Variants in KCNMB2 observed in about 807,000 individuals in gnomAD.
KCNMB2 encodes calcium-activated potassium channel subunit beta-2.
A neutral mutation model predicts 24.5 loss-of-function variants in KCNMB2; 9 were observed. That is an observed-to-expected ratio of 0.37 (90% CI 0.22 to 0.64). The LOEUF (loss-of-function observed/expected upper bound fraction) is 0.64. Ranked by LOEUF, KCNMB2 falls within the 30% of genes least tolerant of loss-of-function variation. The probability of loss-of-function intolerance (pLI) is 0.63; values close to 1 mark genes in which losing one functional copy is unlikely to be tolerated. For synonymous variants in KCNMB2, 109 were observed against 104.4 expected (o/e 1.04, Z -0.27); for missense variants, 226 against 284.3 (o/e 0.79, Z 1.47).
chr3:178,726,482 C>T (rs1225643484), intron 1 of KCNMB2, among the ~76,000 whole-genome samples: 4 of 151,842 alleles, frequency 2.6e-5, no homozygotes, highest in South Asian at 4.1e-4. Flanking sequence ...CAAATTCTTT[C>T]AGTTTTCTTT....
rs189207350 is a variant in KCNMB2, at chr3:178,579,963, G to T, written c.-68+43252G>T. On this transcript the variant is annotated intron_variant, in intron 1 of 4. Transcript: ENST00000452583. ...GGTAAAAGAGAATTTGGTACCATTC[G>T]TTCTGAAACTATTCCAAACAATAGA... Among the ~76,000 whole-genome samples, 512 of 152,084 alleles carry T rather than the reference G, an allele frequency of 3.4e-3. 1 individual carries two copies. Among genetic ancestry groups the T allele is most frequent in the African/African-American group, 0.012 (480 of 41,516 alleles).
intron 1 of KCNMB2, among the ~76,000 whole-genome samples, chr3:178,616,781 T>A (rs1417637065): frequency 6.6e-6 from 1 of 152,176 alleles, no homozygotes; most frequent in Non-Finnish European, 1.5e-5. Flanking sequence ...TATAATCCCA[T>A]TTCGTAGATG....
At chr3:178,710,835 C>T (rs889403087) in intron 1 of KCNMB2, among the ~76,000 whole-genome samples, 7 of 152,130 alleles carry the variant, frequency 4.6e-5, no homozygotes, top group Non-Finnish European at 7.4e-5. Flanking sequence ...ACTTCAGCCT[C>T]GTGATCTGAG....
chr3:178,688,058 G>T (rs1721527390), intron 1 of KCNMB2, among the ~76,000 whole-genome samples: 1 of 152,040 alleles, frequency 6.6e-6, no homozygotes, highest in African/African-American at 2.4e-5. Context: ...TTAGGTTTGG[G>T]GTGAGAAAAA....
At chr3:178,589,073 A>G (rs1394476733) in intron 1 of KCNMB2, among the ~76,000 whole-genome samples, 1 of 152,202 alleles carries the variant, frequency 6.6e-6, no homozygotes, top group Non-Finnish European at 1.5e-5. Flanking sequence ...TATGGCCTTA[A>G]AAAAGACTCT....
chr3:178,782,022 T>A (rs1237533078), intron 1 of KCNMB2, among the ~76,000 whole-genome samples: 2 of 122,502 alleles, frequency 1.6e-5, no homozygotes, highest in Admixed American at 1.8e-4. Flanking sequence ...TTCCCACCTA[T>A]GAGTGAGAAT....
At chr3:178,591,190 G>GA (rs143866835) in intron 1 of KCNMB2, among the ~76,000 whole-genome samples, 9,203 of 151,630 alleles carry the variant, frequency 0.061, 364 homozygotes, top group Non-Finnish European at 0.092. Context: ...GACTCCAATG[G>GA]AAAAAAAACC....
chr3:178,680,404 T>A (rs1263991929), intron 1 of KCNMB2, among the ~76,000 whole-genome samples: 1 of 152,232 alleles, frequency 6.6e-6, no homozygotes, highest in Non-Finnish European at 1.5e-5. Flanking sequence ...TGGAGGCTGG[T>A]TGTCACTCAC....
chr3:178,617,487 G>A (rs1346977750), intron 1 of KCNMB2, among the ~76,000 whole-genome samples: 1 of 151,756 alleles, frequency 6.6e-6, no homozygotes, highest in Non-Finnish European at 1.5e-5. Flanking sequence ...GAACCCGGGA[G>A]GTGGAGGTTG....
At chr3:178,629,203 G>T (rs1577060128) in intron 1 of KCNMB2, among the ~76,000 whole-genome samples, 1 of 152,104 alleles carries the variant, frequency 6.6e-6, no homozygotes, top group East Asian at 1.9e-4. Flanking sequence ...GCGACTCATT[G>T]TCTTCTATAC....
intron 1 of KCNMB2, among the ~76,000 whole-genome samples, chr3:178,658,960 T>C (rs894139664): frequency 3.3e-5 from 5 of 152,288 alleles, no homozygotes; most frequent in African/African-American, 1.2e-4. Context: ...TTATTAAGAA[T>C]ACCAGGTTAT....
chr3:178,665,473 A>G (rs765490028), intron 1 of KCNMB2, among the ~76,000 whole-genome samples: 10 of 152,146 alleles, frequency 6.6e-5, no homozygotes, highest in Non-Finnish European at 1.5e-4. Flanking sequence ...CTTACGTAAC[A>G]TTTTATTACA....
At chr3:178,770,701 AG>A (rs1321628921) in intron 1 of KCNMB2, among the ~76,000 whole-genome samples, 1 of 152,266 alleles carries the variant, frequency 6.6e-6, no homozygotes, top group Non-Finnish European at 1.5e-5. Flanking sequence ...ACTCTGATAG[AG>A]TCCATACACA....
At chr3:178,577,701 G>A (rs553866719) in intron 1 of KCNMB2, among the ~76,000 whole-genome samples, 1 of 152,240 alleles carries the variant, frequency 6.6e-6, no homozygotes, top group South Asian at 2.1e-4. Context: ...AGATGGAGCT[G>A]AAAAACAGCA....
intron 1 of KCNMB2, chr3:178,729,479 T>A (rs1723073538): frequency 6.6e-6 from 1 of 152,204 alleles, no homozygotes; most frequent in East Asian, 1.9e-4. Flanking sequence ...CAATCCATGA[T>A]CTTGCAATCC....
chr3:178,552,380 ACC>A lies in KCNMB2; in HGVS notation c.-68+15677_-68+15678del, dbSNP rs10713632. Among the ~76,000 whole-genome samples the A allele has an allele frequency of 1.2e-4, 17 of 144,688 alleles. No individual in the cohort carries two copies. In the South Asian group the frequency reaches 3.4e-3, roughly 29 times the overall value. 94.9% of individuals were successfully genotyped at this position (144,688 alleles called of 152,430 possible). A position where few individuals can be genotyped will look rare whatever the true frequency, so the allele number is the denominator to read the frequency against. ...TCTGCAGTTTTATTTTTTGAATTAAACCCCCCCCCAAAATATTCTATTCTTTT... is the reference window on the plus strand; with the variant it reads ...TCTGCAGTTTTATTTTTTGAATTAAACCCCCCCAAAATATTCTATTCTTTT... On this transcript the variant is annotated intron_variant, in intron 1 of 4. Transcript: ENST00000452583.
At chr3:178,808,725 C>T (rs1205303283) in intron 2 of KCNMB2, among the ~76,000 whole-genome samples, 1 of 152,050 alleles carries the variant, frequency 6.6e-6, no homozygotes, top group Non-Finnish European at 1.5e-5. Flanking sequence ...TGCTTTGACA[C>T]AATATTAACT....
At chr3:178,577,655 C>T (rs369270973) in intron 1 of KCNMB2, among the ~76,000 whole-genome samples, 14 of 152,196 alleles carry the variant, frequency 9.2e-5, no homozygotes, top group East Asian at 7.7e-4. Context: ...ACTAGAATAA[C>T]CAGTTTAGAG....
At chr3:178,795,969 AAC>A (rs1399415450) in intron 1 of KCNMB2, among the ~76,000 whole-genome samples, 5 of 152,124 alleles carry the variant, frequency 3.3e-5, no homozygotes, top group African/African-American at 1.2e-4. Flanking sequence ...TGGTGTATGA[AAC>A]ACAGTTTGCT....
Sources: allele counts gnomAD v4.1 joint callset (sites outside exome capture counted in the v4.1 genomes callset), GRCh38; gene constraint gnomAD v4.1.1; transcripts MANE v1.5; gene names NCBI Gene and HGNC (gene_info 2026-07-23, HGNC 2026-07-21).